MEI1: variants seen among roughly 807,000 people sequenced by gnomAD.
MEI1 encodes the protein meiosis inhibitor protein 1.
MEI1 carries 103 observed loss-of-function variants against 146.2 expected under a neutral mutation model. The observed-to-expected ratio is 0.70, with a 90% confidence interval of 0.60 to 0.83. The LOEUF is 0.83. MEI1 is among the 40% of genes least tolerant of loss of function. MEI1 has a pLI of 0.00. For synonymous variants in MEI1, 652 were observed against 628.2 expected, an observed-to-expected ratio of 1.04 and a Z score of -0.57; for missense variants, 1,529 against 1,533.0, an observed-to-expected ratio of 1.00 and a Z score of 0.04.
intron 3 of MEI1, among the ~76,000 whole-genome samples, chr22:41,708,106 T>C (rs2069238932): frequency 6.6e-6 from 1 of 152,244 alleles, no homozygotes; most frequent in Non-Finnish European, 1.5e-5. Flanking sequence ...AATAATTTAT[T>C]TTTAAATTCA....
chr22:41,792,367 T>C (rs1219206401), intron 26 of MEI1, among the ~76,000 whole-genome samples: 2 of 152,172 alleles, frequency 1.3e-5, no homozygotes, highest in South Asian at 4.1e-4. Flanking sequence ...GTCACAGGAA[T>C]CTGTGTCAAA....
At chr22:41,762,549 G>GTTTTTTT (rs554541069) in intron 18 of MEI1, among the ~76,000 whole-genome samples, 5 of 128,798 alleles carry the variant, frequency 3.9e-5, no homozygotes, top group Admixed American at 7.7e-5. Context: ...TAATTTAACT[G>GTTTTTTT]ATTTTTTTTT....
rs541075159 is a variant in MEI1 at position 41,793,379 on chromosome 22, G to A, written c.3346-450G>A. On this transcript the variant is annotated intron_variant, in intron 26 of 30. Transcript: ENST00000401548. Reference sequence around the variant, plus strand: ...GCAAGTGGTGCAATCTCAGCTCACCGCAACCTCCGCCTCCCGGGTTCAATC... The same window carrying A: ...GCAAGTGGTGCAATCTCAGCTCACCACAACCTCCGCCTCCCGGGTTCAATC... 3.9e-5 allele frequency among the ~76,000 whole-genome samples: 6 copies of A among 151,964 alleles called. No individual in the cohort carries two copies. In the East Asian group the frequency reaches 5.8e-4, roughly 15 times the overall value.
intron 17 of MEI1, 33 bp downstream of exon 17, chr22:41,754,079 C>T (rs773803761): frequency 6.7e-7 from 1 of 1,493,768 alleles, no homozygotes; most frequent in Non-Finnish European, 9.3e-7. Flanking sequence ...CTCATGTGGC[C>T]TGTGCTGGTC....
chr22:41,704,927 G>A (rs890188228), intron 2 of MEI1, among the ~76,000 whole-genome samples: 2 of 151,074 alleles, frequency 1.3e-5, no homozygotes, highest in Non-Finnish European at 2.9e-5. Flanking sequence ...TGTTAGCCAG[G>A]ATGGTCTCGA....
chr22:41,795,551 G>T lies in MEI1; in HGVS notation c.3666+9G>T. 6.2e-7 allele frequency: 1 copy of T among 1,613,828 alleles called. No individual in the cohort carries two copies. On this transcript the variant is annotated intron_variant, in intron 29 of 30. Coordinates refer to ENST00000401548, the MANE Select transcript of MEI1 (RefSeq NM_152513.4). The surrounding 1 kb of genome is among the most constrained non-coding windows in gnomAD (Gnocchi z 4.2). ...ATGGCTTCTTCCAGCAGGTGGGTGG[G>T]AAGGGGAGGCCATGCAGCCACTGTA...
intron 14 of MEI1, 41 bp from the exon 15 acceptor site, chr22:41,748,066 C>T (rs1209343007): frequency 7.2e-7 from 1 of 1,384,310 alleles, no homozygotes; most frequent in Non-Finnish European, 1.0e-6. Flanking sequence ...TTCAGAGGCT[C>T]AGTCCCCGTG....
At chr22:41,754,513 A>C (rs1316321299) in intron 17 of MEI1, among the ~76,000 whole-genome samples, 1 of 151,942 alleles carries the variant, frequency 6.6e-6, no homozygotes, top group Non-Finnish European at 1.5e-5. Flanking sequence ...AGCTCACTGC[A>C]ACCTCTGCCT....
Position 41,729,782 on chromosome 22 carries a change from A to G in MEI1, c.979+3A>G. The G allele has an allele frequency of 6.3e-7, 1 of 1,594,294 alleles. No homozygotes were observed. On this transcript the variant is annotated splice_donor_region_variant and intron_variant, in intron 8 of 30. Transcript: ENST00000401548. Reference sequence around the variant, plus strand: ...CTTCATCCACGCTGACATCCCAGGTAGGGGAACACTTCTAACCTTCTCCTC... The same window carrying G: ...CTTCATCCACGCTGACATCCCAGGTGGGGGAACACTTCTAACCTTCTCCTC...
intron 11 of MEI1, among the ~76,000 whole-genome samples, chr22:41,739,737 C>T (rs1405229835): frequency 6.6e-6 from 1 of 152,036 alleles, no homozygotes; most frequent in Non-Finnish European, 1.5e-5. Flanking sequence ...CTATGCTGAG[C>T]TGGAAGTCTT....
chr22:41,700,216 A>T (rs187891037), intron 1 of MEI1, among the ~76,000 whole-genome samples: 1 of 152,212 alleles, frequency 6.6e-6, no homozygotes, highest in Non-Finnish European at 1.5e-5. Context: ...CCGAGGGGAC[A>T]GGAGTGACAG....
intron 17 of MEI1, among the ~76,000 whole-genome samples, chr22:41,756,817 A>G (rs915468029): frequency 1.3e-5 from 2 of 152,200 alleles, no homozygotes; most frequent in African/African-American, 2.4e-5. Context: ...TTCTTTTATG[A>G]AACCGTTTTC....
intron 10 of MEI1, 30 bp from the exon 11 acceptor site, chr22:41,732,439 C>G (rs1238594491): frequency 1.9e-6 from 3 of 1,613,518 alleles, no homozygotes; most frequent in Non-Finnish European, 2.5e-6. Flanking sequence ...GAAGAGTTCA[C>G]CTACTCGTTT....
intron 3 of MEI1, chr22:41,709,390 G>A (rs1188942847): frequency 1.4e-6 from 1 of 714,478 alleles, no homozygotes; most frequent in African/African-American, 1.7e-5. Flanking sequence ...CTTTGGAGGA[G>A]CAGATTTTGC....
In MEI1 at chr22:41,715,617, G is replaced by T. The variant is rs1420662322; in HGVS notation, c.424-424G>T. ...TCACTGTGTTAGCCAGGATGGTCTC[G>T]ATCTCCTGACCTCGTGATCCGCCCG... On this transcript the variant is annotated intron_variant, in intron 4 of 30. Transcript: ENST00000401548. 5.3e-5 allele frequency among the ~76,000 whole-genome samples: 8 copies of T among 151,994 alleles called. No homozygotes were observed. In the East Asian group the frequency reaches 1.5e-3, roughly 29 times the overall value.
At chr22:41,753,039 G>A (rs2073873641) in intron 16 of MEI1, among the ~76,000 whole-genome samples, 1 of 148,500 alleles carries the variant, frequency 6.7e-6, no homozygotes, top group Non-Finnish European at 1.5e-5. Context: ...TTTTTTTTGA[G>A]ATGGAGTCTT....
intron 1 of MEI1, among the ~76,000 whole-genome samples, chr22:41,702,577 C>T (rs1405138333): frequency 6.6e-6 from 1 of 151,772 alleles, no homozygotes; most frequent in East Asian, 1.9e-4. Context: ...TCCCAATTAG[C>T]TGGGGATATA....
At chr22:41,783,370 G>A (rs1450406927) in intron 24 of MEI1, among the ~76,000 whole-genome samples, 3 of 151,780 alleles carry the variant, frequency 2.0e-5, no homozygotes, top group East Asian at 1.9e-4. Context: ...TCGGCTCACC[G>A]CAACCTCTGC....
chr22:41,756,709 G>A (rs1297875166), intron 17 of MEI1, among the ~76,000 whole-genome samples: 1 of 152,174 alleles, frequency 6.6e-6, no homozygotes, highest in Non-Finnish European at 1.5e-5. Flanking sequence ...CCTGACCTCA[G>A]GTGATCCACC....
Sources: gnomAD v4.1 joint callset for allele counts (sites outside exome capture counted in the v4.1 genomes callset) on GRCh38, gnomAD v4.1.1 for gene constraint, Gnocchi (gnomAD v3.1) non-coding constraint, MANE v1.5 for transcripts, NCBI Gene and HGNC (gene_info 2026-07-23, HGNC 2026-07-21) for gene names.